CROCC: variants seen among roughly 807,000 people sequenced by gnomAD.
The protein encoded by CROCC is rootletin.
Under a neutral mutation model 245.2 loss-of-function variants are expected in CROCC, and 180 were observed. The observed-to-expected ratio is 0.73, with a 90% confidence interval of 0.65 to 0.83. CROCC has a LOEUF of 0.83. Ranked by LOEUF, CROCC falls within the 40% of genes least tolerant of loss-of-function variation. CROCC has a pLI of 0.00. For synonymous variants in CROCC, 1,205 were observed against 1,241.6 expected (o/e 0.97, Z 0.62); for missense variants, 2,688 against 2,779.4 (o/e 0.97, Z 0.74).
chr1:16,932,410 G>A (rs1364871231), intron 8 of CROCC, among the ~76,000 whole-genome samples: 3 of 152,234 alleles, frequency 2.0e-5, no homozygotes, highest in Non-Finnish European at 2.9e-5. Context: ...ATTGTACTCC[G>A]GCCTGGGCAA....
chr1:16,937,484 C>G (rs1186639913), intron 9 of CROCC, among the ~76,000 whole-genome samples, 157 bp from the exon 10 acceptor site: 1 of 152,272 alleles, frequency 6.6e-6, no homozygotes, highest in African/African-American at 2.4e-5. Context: ...AATGTGAGAT[C>G]TGGAGAGGAG....
At chr1:16,914,929 G>C (rs1246728193) in intron 1 of CROCC, among the ~76,000 whole-genome samples, 3 of 152,272 alleles carry the variant, frequency 2.0e-5, no homozygotes, top group African/African-American at 7.2e-5. Flanking sequence ...AGAGATTTCT[G>C]TTTTCTTTCG....
At position 16,948,395 on chromosome 1, in the gene CROCC, A is replaced by T. The variant is rs892286674; in HGVS notation, c.2579A>T (p.Gln860Leu). Residue 860 changes from glutamine (Q) to leucine (L), a missense_variant, in exon 18 of 37, where the codon CAA (glutamine) becomes CTA (leucine). This residue lies in a region of CROCC where 295 missense variants were observed against 241.7 expected (regional missense o/e 1.22). Transcript: ENST00000375541. ...LEQARREAQR[Q>L]VEALERAARE... Reference sequence around the variant, plus strand: ...CAGGCCCGGCGGGAGGCCCAGCGGCAAGTGGAGGCGCTGGAGCGAGCGGCC... The same window carrying T: ...CAGGCCCGGCGGGAGGCCCAGCGGCTAGTGGAGGCGCTGGAGCGAGCGGCC... 1.3e-5 allele frequency: 20 copies of T among 1,577,618 alleles called. No individual in the cohort carries two copies. In the Admixed American group the frequency reaches 2.0e-4, roughly 16 times the overall value.
chr1:16,972,666 C>A lies in CROCC; in HGVS notation c.*220C>A. The A allele has an allele frequency of 2.2e-6, 1 of 463,500 alleles. No homozygotes were observed. The highest frequency in any genetic ancestry group is 3.8e-6 in the Non-Finnish European group (1 of 262,268). 28.7% of individuals were successfully genotyped at this position (463,500 alleles called of 1,614,324 possible). A position where few individuals can be genotyped will look rare whatever the true frequency, so the allele number is the denominator to read the frequency against. On this transcript the variant is annotated 3_prime_UTR_variant, in exon 37 of 37. Coordinates refer to ENST00000375541, the MANE Select transcript of CROCC (RefSeq NM_014675.5). ...TCCAGCCCCCCTCTTCTAGGATGAG[C>A]CACTGTAGATCATTAAAGTTCCTCC...
intron 14 of CROCC, among the ~76,000 whole-genome samples, 168 bp from the exon 15 acceptor site, chr1:16,945,294 C>A (rs1419760434): frequency 6.6e-6 from 1 of 152,288 alleles, no homozygotes; most frequent in Admixed American, 6.5e-5. Flanking sequence ...AAAACGGAGG[C>A]CCAGGGTCAT....
chr1:16,962,885 A>AAAAATG (rs2076356925), intron 27 of CROCC, among the ~76,000 whole-genome samples: 1 of 151,856 alleles, frequency 6.6e-6, no homozygotes, highest in African/African-American at 2.4e-5. Flanking sequence ...TTGTACACTT[A>AAAAATG]AAAATGATGA....
chr1:16,936,922 A>G (rs370836392), intron 9 of CROCC, 49 bp downstream of exon 9: 82 of 1,542,858 alleles, frequency 5.3e-5, no homozygotes, highest in Admixed American at 1.0e-4. Context: ...TGCAGAAGGT[A>G]AAACTGGAGA....
Position 16,930,046 on chromosome 1 carries a change from C to A in CROCC, c.537+15C>A. 6.4e-7 allele frequency: 1 copy of A among 1,566,644 alleles called. No individual in the cohort carries two copies. Among genetic ancestry groups the A allele is most frequent in the Non-Finnish European group, 8.6e-7 (1 of 1,159,220 alleles). ...TGCAGGGCAAGGTCAGGACCACCCA[C>A]TCCTGCTCCTGTCCTCCCACCTGTT... On this transcript the variant is annotated intron_variant, in intron 4 of 36. Coordinates refer to ENST00000375541, the MANE Select transcript of CROCC (RefSeq NM_014675.5).
At chr1:16,959,109 G>A (rs1475569781) in intron 26 of CROCC, among the ~76,000 whole-genome samples, 1 of 152,140 alleles carries the variant, frequency 6.6e-6, no homozygotes, top group Non-Finnish European at 1.5e-5. Flanking sequence ...TGCAACCTCC[G>A]CCTCCTGGGT....
intron 15 of CROCC, among the ~76,000 whole-genome samples, 182 bp from the exon 16 acceptor site, chr1:16,946,077 T>A (rs2076038472): frequency 6.6e-6 from 1 of 152,278 alleles, no homozygotes; most frequent in South Asian, 2.1e-4. Flanking sequence ...GTGTGGCTTT[T>A]AAATGGCTCA....
At chr1:16,968,979 C>G in intron 31 of CROCC, 137 bp from the exon 32 acceptor site, 1 of 879,844 alleles carries the variant, frequency 1.1e-6, no homozygotes, top group Non-Finnish European at 1.9e-6. Flanking sequence ...CTTAGGAACA[C>G]TGGGTCTCAA....
Position 16,929,953 on chromosome 1 carries a change from C to T in CROCC, c.459C>T (p.Ala153=). The T allele has an allele frequency of 1.3e-5, 21 of 1,585,766 alleles. No individual in the cohort carries two copies. The highest frequency in any genetic ancestry group is 1.8e-5 in the Non-Finnish European group (21 of 1,169,232). ...ELRRQLQEEQ[A]SYRRKLQAYQ... is the part of the protein sequence containing the mutation. ...GGAGGCAGCTGCAGGAGGAGCAGGC[C>T]TCCTACCGGCGCAAGCTGCAGGCCT... Residue 153 remains alanine (A), a synonymous_variant, in exon 4 of 37, where the codon GCC becomes GCT. Coordinates refer to ENST00000375541, the MANE Select transcript of CROCC (RefSeq NM_014675.5).
At chr1:16,958,894 A>T in intron 26 of CROCC, 144 bp downstream of exon 26, 1 of 981,952 alleles carries the variant, frequency 1.0e-6, no homozygotes, top group South Asian at 1.7e-5. Flanking sequence ...CCCCAGTTGT[A>T]GTAACAACAA....
In CROCC at chr1:16,960,968, C is replaced by T; in HGVS notation, c.4243C>T (p.Leu1415=). The change falls in exon 27 of 37, where the codon CTG becomes TTG. Residue 1415 remains leucine, a synonymous_variant. Coordinates refer to ENST00000375541, the MANE Select transcript of CROCC (RefSeq NM_014675.5). The stretch of plus-strand genomic sequence containing the variant: ...CGCAGCCGAGGGCCGGGCACAAGGC[C>T]TGGAGGCCGAGCTGGCCCGCGTGGA... ...LSAAEGRAQG[L]EAELARVEVQ... The T allele has an allele frequency of 7.3e-7, 1 of 1,372,670 alleles. No homozygotes were observed. Among genetic ancestry groups the T allele is most frequent in the Non-Finnish European group, 9.3e-7 (1 of 1,071,936 alleles). The allele number at this position is 1,372,670 out of a possible 1,614,324, so 85.0% of individuals were successfully genotyped here.
Position 16,940,220 on chromosome 1 carries a change from G to GTTTA in CROCC, c.1808+143_1808+146dup, listed in dbSNP as rs1267935406. 48 of 1,074,822 alleles carry GTTTA rather than the reference G, an allele frequency of 4.5e-5. No individual in the cohort carries two copies. In the East Asian group the frequency reaches 6.5e-4, roughly 14 times the overall value. The allele number at this position is 1,074,822 out of a possible 1,614,324, so 66.6% of individuals were successfully genotyped here. A position where few individuals can be genotyped will look rare whatever the true frequency, so the allele number is the denominator to read the frequency against. On this transcript the variant is annotated intron_variant, in intron 13 of 36. Coordinates refer to ENST00000375541, the MANE Select transcript of CROCC (RefSeq NM_014675.5). ...CCACTAGCTGCATGTGCCTATTAAC[G>GTTTA]TTTATTTATTTATTTATTTTTAAAA... is the stretch of plus-strand genomic sequence containing the variant.
rs574720999 is a variant in CROCC at position 16,970,640 on chromosome 1, A to G, written c.5657A>G (p.Glu1886Gly). 3 of 1,547,572 alleles carry G rather than the reference A, an allele frequency of 1.9e-6. No homozygotes were observed. The highest frequency in any genetic ancestry group is 2.5e-5 in the South Asian group (2 of 80,686). ...TCCTGTGGCTCTCCTGCCTAGGTGG[A>G]GCGGGAGAAGCTTCGTAGCCATGAG... ...VALRRTLDKV[E>G]REKLRSHEDT... Residue 1886 changes from glutamate (E) to glycine (G), a missense_variant, in exon 35 of 37, where the codon GAG (glutamate) becomes GGG (glycine). By Grantham distance (98) the Glu-to-Gly change is moderately conservative. Around this residue, in one of 9 missense-constraint regions of CROCC, gnomAD observed 1,218 missense variants for 1,286.3 expected, o/e 0.95. Coordinates refer to ENST00000375541, the MANE Select transcript of CROCC (RefSeq NM_014675.5).
rs541323267 is a variant in CROCC, at chr1:16,934,445, G to GTGCA, written c.957-2191_957-2188dup. Among the ~76,000 whole-genome samples the GTGCA allele has an allele frequency of 1.2e-4, 18 of 152,298 alleles. No homozygotes were observed. The East Asian group carries it at 1.9e-3, about 16-fold the overall frequency. On this transcript the variant is annotated intron_variant, in intron 8 of 36. Transcript: ENST00000375541. ...CACCCAAGTAGCTGGGACTACAAGT[G>GTGCA]TGCACCACTATATCTAGCTAATTTT... is the stretch of plus-strand genomic sequence containing the variant.
intron 24 of CROCC, 42 bp downstream of exon 24, chr1:16,955,592 T>TCC (rs757720182): frequency 7.0e-7 from 1 of 1,436,422 alleles, no homozygotes; most frequent in East Asian, 2.4e-5. Flanking sequence ...CCTCATGGGA[T>TCC]CCCATCCCTG....
At chr1:16,945,854 C>T (rs1327408944) in intron 15 of CROCC, among the ~76,000 whole-genome samples, 2 of 152,416 alleles carry the variant, frequency 1.3e-5, no homozygotes, top group African/African-American at 4.8e-5. Context: ...CTCCTGGGGG[C>T]AATGCCTATA....
Sources: gnomAD v4.1 joint callset for allele counts (sites outside exome capture counted in the v4.1 genomes callset) on GRCh38, gnomAD v4.1.1 for gene constraint, gnomAD v4.1.1 regional missense constraint, MANE v1.5 for transcripts, NCBI Gene and HGNC (gene_info 2026-07-23, HGNC 2026-07-21) for gene names.